The following LPCAT2 variants were observed in gnomAD, a reference collection of about 807,000 sequenced individuals.
LPCAT2 encodes the protein lysophosphatidylcholine acyltransferase 2, also known as 1-AGP acyltransferase 11.
In LPCAT2, 58 loss-of-function variants were observed where a neutral mutation model predicts 64.7. The observed-to-expected ratio is 0.90, with a 90% CI of 0.73 to 1.12. LPCAT2 has a LOEUF of 1.12. LPCAT2 is among the 50% of genes most tolerant of loss of function. The pLI is 0.00. For missense variants in LPCAT2, 579 were observed against 669.8 expected, an observed-to-expected ratio of 0.86 and a Z score of 1.50; for synonymous variants, 252 against 245.3, an observed-to-expected ratio of 1.03 and a Z score of -0.26.
chr16:55,519,306 T>C (rs1304267), intron 1 of LPCAT2, among the ~76,000 whole-genome samples: 72,630 of 150,922 alleles, frequency 0.48, 18,135 homozygotes, highest in Non-Finnish European at 0.55. Context: ...TGAGACCATC[T>C]TGGCTAACAT....
At chr16:55,514,442 G>GA in intron 1 of LPCAT2, among the ~76,000 whole-genome samples, 1 of 152,296 alleles carries the variant, frequency 6.6e-6, no homozygotes, top group Admixed American at 6.5e-5. Flanking sequence ...AGGTGCTTAA[G>GA]AAAATCTCTA....
At chr16:55,561,420 A>G (rs1205990265) in intron 11 of LPCAT2, among the ~76,000 whole-genome samples, 2 of 148,672 alleles carry the variant, frequency 1.3e-5, no homozygotes, top group Non-Finnish European at 3.0e-5. Flanking sequence ...ACAGACAGCA[A>G]TTAAGGTTGC....
At position 55,583,222 on chromosome 16, in the gene LPCAT2, G is replaced by T; in HGVS notation, c.*124G>T. On this transcript the variant is annotated 3_prime_UTR_variant, in exon 14 of 14. Transcript: ENST00000262134. ...ATTGAAAGATTTTTAAAACAAAAATGATAGATTTTCTTACTAAAAATGTTT... is the reference window on the plus strand; with the variant it reads ...ATTGAAAGATTTTTAAAACAAAAATTATAGATTTTCTTACTAAAAATGTTT... 1.3e-6 allele frequency: 1 copy of T among 743,388 alleles called. No individual in the cohort carries two copies. The highest frequency in any genetic ancestry group is 2.0e-6 in the Non-Finnish European group (1 of 490,498). The allele number at this position is 743,388 out of a possible 1,614,324, so 46.0% of individuals were successfully genotyped here. A position where few individuals can be genotyped will look rare whatever the true frequency, so the allele number is the denominator to read the frequency against.
At chr16:55,523,813 T>C (rs964736207) in intron 1 of LPCAT2, among the ~76,000 whole-genome samples, 3 of 151,876 alleles carry the variant, frequency 2.0e-5, no homozygotes, top group Non-Finnish European at 3.0e-5. Context: ...TTTGAGATGA[T>C]GTAAATATCT....
chr16:55,582,516 C>T (rs1380574521), intron 13 of LPCAT2, among the ~76,000 whole-genome samples: 6 of 152,068 alleles, frequency 3.9e-5, no homozygotes, highest in Admixed American at 1.3e-4. Flanking sequence ...ATTTTCATTG[C>T]CATATGGCCT....
intron 11 of LPCAT2, among the ~76,000 whole-genome samples, chr16:55,554,722 T>C (rs1263962213): frequency 6.6e-6 from 1 of 152,250 alleles, no homozygotes; most frequent in African/African-American, 2.4e-5. Context: ...TGTCTGGGCT[T>C]TTGACATGCC....
chr16:55,522,397 A>G (rs1051028760), intron 1 of LPCAT2, among the ~76,000 whole-genome samples: 5 of 151,708 alleles, frequency 3.3e-5, no homozygotes, highest in African/African-American at 1.2e-4. Context: ...TAGGATGACA[A>G]TTTCCTCCAA....
At chr16:55,575,731 C>G (rs1416330308) in intron 12 of LPCAT2, among the ~76,000 whole-genome samples, 4 of 152,098 alleles carry the variant, frequency 2.6e-5, no homozygotes, top group African/African-American at 9.7e-5. Flanking sequence ...TTGGGATAAG[C>G]CTTAGGAATT....
At chr16:55,569,390 C>G (rs1204819234) in intron 11 of LPCAT2, among the ~76,000 whole-genome samples, 2 of 152,174 alleles carry the variant, frequency 1.3e-5, no homozygotes, top group Non-Finnish European at 1.5e-5. Flanking sequence ...ATAACAATCT[C>G]TCTATTTTAG....
chr16:55,516,580 T>C (rs1276523226), intron 1 of LPCAT2, among the ~76,000 whole-genome samples: 1 of 152,126 alleles, frequency 6.6e-6, no homozygotes, highest in Non-Finnish European at 1.5e-5. Flanking sequence ...GATAAGAGGG[T>C]TGATTCATTA....
In LPCAT2 at chr16:55,545,789, G is replaced by T. The variant is rs1266202303; in HGVS notation, c.907G>T (p.Ala303Ser). 1.2e-6 allele frequency: 2 copies of T among 1,611,742 alleles called. No individual in the cohort carries two copies. Among genetic ancestry groups the T allele is most frequent in the Non-Finnish European group, 8.5e-7 (1 of 1,178,914 alleles). The change falls in exon 9 of 14, where the codon GCC (alanine) becomes TCC (serine). Residue 303 changes from alanine (A) to serine (S), a missense_variant. Ala to Ser is a moderately conservative substitution (Grantham distance 99). Coordinates refer to ENST00000262134, the MANE Select transcript of LPCAT2 (RefSeq NM_017839.5). ...DEEKNDPVLF[A>S]NKVRNLMAEA... Reference sequence around the variant, plus strand: ...AGAAAAAAATGATCCTGTCCTTTTTGCCAATAAAGTCCGGAATTTAATGGC... The same window carrying T: ...AGAAAAAAATGATCCTGTCCTTTTTTCCAATAAAGTCCGGAATTTAATGGC...
In LPCAT2 at chr16:55,547,213, G is replaced by C. The variant is rs1018909723; in HGVS notation, c.935+1396G>C. ...ATTTTGGCTTCCCAAATTGTGCTTA[G>C]AAACAAGAGAAGGGATTTGTTTAGA... is the stretch of plus-strand genomic sequence containing the variant. On this transcript the variant is annotated intron_variant, in intron 9 of 13. Transcript: ENST00000262134. Among the ~76,000 whole-genome samples the C allele has an allele frequency of 2.0e-5, 3 of 152,044 alleles. No homozygotes were observed. The South Asian group carries it at 6.2e-4, about 31-fold the overall frequency.
intron 2 of LPCAT2, among the ~76,000 whole-genome samples, chr16:55,526,440 A>G (rs1412086508): frequency 1.3e-5 from 2 of 152,176 alleles, no homozygotes; most frequent in African/African-American, 2.4e-5. Flanking sequence ...TTTTATATAT[A>G]AGGATATTTT....
intron 6 of LPCAT2, among the ~76,000 whole-genome samples, chr16:55,533,946 G>A (rs767143915): frequency 1.3e-5 from 2 of 152,044 alleles, no homozygotes; most frequent in Admixed American, 6.6e-5. Flanking sequence ...GATCAAATCA[G>A]TTTTCTATTT....
intron 5 of LPCAT2, chr16:55,532,201 A>T (rs1963263834): frequency 2.3e-6 from 1 of 436,372 alleles, no homozygotes; most frequent in South Asian, 3.2e-5. Context: ...TGCACTTAGG[A>T]TGTGTGGCTG....
At chr16:55,539,964 G>C (rs972943541) in intron 8 of LPCAT2, 24 of 151,882 alleles carry the variant, frequency 1.6e-4, no homozygotes, top group African/African-American at 5.6e-4. Flanking sequence ...TCAAAGTGCC[G>C]TTTTAGACAG....
intron 11 of LPCAT2, among the ~76,000 whole-genome samples, chr16:55,560,953 A>G (rs957849024): frequency 1.4e-4 from 22 of 151,950 alleles, no homozygotes; most frequent in Admixed American, 5.9e-4. Flanking sequence ...ATGATTTTTT[A>G]TGTCATTAAC....
chr16:55,578,341 G>C (rs942470562), intron 12 of LPCAT2, among the ~76,000 whole-genome samples: 1 of 152,036 alleles, frequency 6.6e-6, no homozygotes, highest in East Asian at 1.9e-4. Flanking sequence ...ACCTATCTAG[G>C]TCTAATTCTT....
chr16:55,549,497 C>G, intron 10 of LPCAT2, 95 bp downstream of exon 10: 3 of 1,167,640 alleles, frequency 2.6e-6, no homozygotes, highest in African/African-American at 3.2e-5. Context: ...ATGCTCAGCT[C>G]TAGTTCCCAT....
Sources: gnomAD v4.1 joint callset for allele counts (sites outside exome capture counted in the v4.1 genomes callset) on GRCh38, gnomAD v4.1.1 for gene constraint, MANE v1.5 for transcripts, NCBI Gene and HGNC (gene_info 2026-07-23, HGNC 2026-07-21) for gene names.